The following TOP1MT variants were observed in gnomAD, a reference collection of about 807,000 sequenced individuals.
The protein encoded by TOP1MT is DNA topoisomerase I, mitochondrial.
TOP1MT carries 80 observed loss-of-function variants against 73.9 expected under a neutral mutation model. That is an observed-to-expected ratio of 1.08 (90% CI 0.90 to 1.30). The LOEUF is 1.30. TOP1MT is among the 50% of genes most tolerant of loss of function. The pLI is 0.00. For missense variants in TOP1MT, 815 were observed against 808.0 expected, an observed-to-expected ratio of 1.01 and a Z score of -0.10; for synonymous variants, 338 against 326.4, an observed-to-expected ratio of 1.04 and a Z score of -0.38.
upstream of TOP1MT, chr8:143,334,910 C>T: frequency 6.8e-6 from 9 of 1,323,196 alleles, no homozygotes; most frequent in South Asian, 4.1e-5. Flanking sequence ...CCCCAGCGGC[C>T]AGCCCCGCCC....
chr8:143,337,282 G>A (rs1344209352), upstream of TOP1MT, among the ~76,000 whole-genome samples: 12 of 152,248 alleles, frequency 7.9e-5, no homozygotes, highest in East Asian at 2.3e-3. Context: ...GCAGGCGCCT[G>A]TAGTCCCAGC....
At chr8:143,353,963 CAAAAAAAAAA>C (rs1186472770) in intron 1 of TOP1MT, among the ~76,000 whole-genome samples, 13 of 47,606 alleles carry the variant, frequency 2.7e-4, no homozygotes, top group East Asian at 7.2e-4. Context: ...GACTCCATCC[CAAAAAAAAAA>C]AAAAAAAAAA....
Position 143,323,980 on chromosome 8 carries a change from A to G in TOP1MT, c.960+19T>C. ...AGAACCAGGATGAAGAGCCGCCAGG[A>G]AGCGAGAAGGCCGCATACCTTATCG... On this transcript the variant is annotated intron_variant, in intron 7 of 13. Coordinates refer to ENST00000329245, the MANE Select transcript of TOP1MT (RefSeq NM_052963.3). 6.2e-7 allele frequency: 1 copy of G among 1,610,444 alleles called. No individual in the cohort carries two copies. Among genetic ancestry groups the G allele is most frequent in the Non-Finnish European group, 8.5e-7 (1 of 1,177,372 alleles).
rs1816507582 is a variant in TOP1MT, at chr8:143,322,681, C to CACACATGCACGCCACACGCACGCA, written c.961-1296_961-1295insTGCGTGCGTGTGGCGTGCATGTGT. Among the ~76,000 whole-genome samples, 3 of 60,054 alleles carry CACACATGCACGCCACACGCACGCA rather than the reference C, an allele frequency of 5.0e-5. No individual in the cohort carries two copies. In the East Asian group the frequency reaches 2.1e-3, roughly 43 times the overall value. The allele number at this position is 60,054 out of a possible 152,430, so 39.4% of individuals were successfully genotyped here. ...ACACACGCACGCCACACACGCACGC[C>CACACATGCACGCCACACGCACGCA]ACACACGCACGCCACACGCACGCCA... On this transcript the variant is annotated intron_variant, in intron 7 of 13. Coordinates refer to ENST00000329245, the MANE Select transcript of TOP1MT (RefSeq NM_052963.3).
At chr8:143,342,059 GAC>G (rs202026842) in intron 2 of TOP1MT, among the ~76,000 whole-genome samples, 238 of 133,696 alleles carry the variant, frequency 1.8e-3, no homozygotes, top group African/African-American at 8.2e-3. Flanking sequence ...TATTATTAGA[GAC>G]AGAGTCTCGC....
upstream of TOP1MT, among the ~76,000 whole-genome samples, chr8:143,338,975 CCT>C (rs1213504845): frequency 1.3e-5 from 2 of 152,180 alleles, no homozygotes; most frequent in Non-Finnish European, 2.9e-5. Context: ...TAGGAGGACC[CCT>C]GTTTTGCATG....
At chr8:143,321,563 A>ACG (rs1255769991) in intron 7 of TOP1MT, among the ~76,000 whole-genome samples, 177 bp from the exon 8 acceptor site, 7 of 99,486 alleles carry the variant, frequency 7.0e-5, no homozygotes, top group African/African-American at 2.3e-4. Flanking sequence ...CACGCCACAC[A>ACG]CACGCACGCC....
upstream of TOP1MT, among the ~76,000 whole-genome samples, chr8:143,356,930 A>G (rs548019970): frequency 2.0e-5 from 3 of 151,522 alleles, no homozygotes; most frequent in East Asian, 5.8e-4. Flanking sequence ...CATCTCTACT[A>G]AAAAATAGAA....
At chr8:143,332,396 G>T in intron 1 of TOP1MT, 1 of 974,102 alleles carries the variant, frequency 1.0e-6, no homozygotes, top group Non-Finnish European at 1.4e-6. Flanking sequence ...GAGGGTGGGA[G>T]CACCATCAGG....
In TOP1MT at chr8:143,316,022, A is replaced by G. The variant is rs1216789841; in HGVS notation, c.1435T>C (p.Ser479Pro). ...QRATPSTFEK[S>P]MQNLQTKIQA... ...ACCTTCGTCTGGAGATTCTGCATCGACTTCTCGAACGTACTGGGGGTTGCT... is the reference window on the plus strand; with the variant it reads ...ACCTTCGTCTGGAGATTCTGCATCGGCTTCTCGAACGTACTGGGGGTTGCT... The change falls in exon 11 of 14, where the codon TCG (serine) becomes CCG (proline). Residue 479 changes from serine (S) to proline (P), a missense_variant. Coordinates refer to ENST00000329245, the MANE Select transcript of TOP1MT (RefSeq NM_052963.3). 6.2e-7 allele frequency: 1 copy of G among 1,614,084 alleles called. No individual in the cohort carries two copies. The highest frequency in any genetic ancestry group is 1.7e-5 in the Admixed American group (1 of 60,026).
intron 8 of TOP1MT, 63 bp downstream of exon 8, chr8:143,321,138 C>A: frequency 1.4e-6 from 2 of 1,479,116 alleles, no homozygotes; most frequent in Non-Finnish European, 1.8e-6. Context: ...CTCCGGCACG[C>A]CCCCAGACAT....
chr8:143,310,958 G>C (rs1364895135), intron 12 of TOP1MT, among the ~76,000 whole-genome samples: 1 of 131,270 alleles, frequency 7.6e-6, no homozygotes, highest in Non-Finnish European at 1.6e-5. Context: ...ATTTCTCTTG[G>C]CTTTTTTTTT....
chr8:143,318,459 C>T (rs978861125), intron 8 of TOP1MT, among the ~76,000 whole-genome samples: 16 of 152,216 alleles, frequency 1.1e-4, no homozygotes, highest in African/African-American at 3.6e-4. Context: ...GACCTCAGGG[C>T]CTTCGGGGTT....
At chr8:143,317,443 C>A (rs1816199456) in intron 10 of TOP1MT, among the ~76,000 whole-genome samples, 1 of 152,236 alleles carries the variant, frequency 6.6e-6, no homozygotes, top group African/African-American at 2.4e-5. Context: ...AGCTGAGGAA[C>A]ACCACCAGGC....
chr8:143,330,238 C>T lies in TOP1MT; in HGVS notation c.239-767G>A, dbSNP rs1563765756. 3.3e-5 allele frequency among the ~76,000 whole-genome samples: 5 copies of T among 152,308 alleles called. 1 individual carries two copies. The South Asian group carries it at 6.2e-4, about 19-fold the overall frequency. ...AGGCTCGGCCCCACTGGGCCCCACG[C>T]GACACCACCACTCCCCGGACTGTCC... On this transcript the variant is annotated intron_variant, in intron 2 of 13. Transcript: ENST00000329245.
At chr8:143,320,681 G>A (rs1189139557) in intron 8 of TOP1MT, among the ~76,000 whole-genome samples, 1 of 152,256 alleles carries the variant, frequency 6.6e-6, no homozygotes, top group African/African-American at 2.4e-5. Context: ...AACACGCAGA[G>A]GCAGAGATGC....
chr8:143,311,253 G>A (rs1816008166), intron 12 of TOP1MT, among the ~76,000 whole-genome samples: 1 of 151,802 alleles, frequency 6.6e-6, no homozygotes, highest in East Asian at 1.9e-4. Flanking sequence ...ACAGGCATGA[G>A]CAACCTTGCC....
chr8:143,347,254 A>C (rs571147992), upstream of TOP1MT, among the ~76,000 whole-genome samples: 2 of 152,148 alleles, frequency 1.3e-5, no homozygotes, highest in African/African-American at 4.8e-5. Flanking sequence ...TCCTGGGTTC[A>C]CGCCGTTCTA....
At chr8:143,333,244 C>G (rs1162453584) in intron 1 of TOP1MT, among the ~76,000 whole-genome samples, 1 of 152,048 alleles carries the variant, frequency 6.6e-6, no homozygotes, top group African/African-American at 2.4e-5. Flanking sequence ...GCCAGGAGTT[C>G]GAGACCCGCC....
Sources: allele counts gnomAD v4.1 joint callset (sites outside exome capture counted in the v4.1 genomes callset), GRCh38; gene constraint gnomAD v4.1.1; transcripts MANE v1.5; gene names NCBI Gene and HGNC (gene_info 2026-07-23, HGNC 2026-07-21).